PIK3C3: variants seen among roughly 807,000 people sequenced by gnomAD.
The protein encoded by PIK3C3 is PI3-kinase type 3.
A neutral mutation model predicts 126.1 loss-of-function variants in PIK3C3; 95 were observed. The observed-to-expected ratio is 0.75, with a 90% confidence interval of 0.64 to 0.89. The LOEUF is 0.89. Among genes scored for constraint, PIK3C3 ranks in the 40% least tolerant of loss-of-function variants. The pLI is 0.00. For synonymous variants in PIK3C3, 374 were observed against 360.0 expected (o/e 1.04, Z -0.44); for missense variants, 829 against 1,063.2 (o/e 0.78, Z 3.06).
chr18:42,057,069 C>A (rs940484794), intron 21 of PIK3C3, among the ~76,000 whole-genome samples: 1 of 141,282 alleles, frequency 7.1e-6, no homozygotes, highest in Non-Finnish European at 1.6e-5. Flanking sequence ...CCCCCCCCCC[C>A]GTGTTGACAT....
intron 23 of PIK3C3, among the ~76,000 whole-genome samples, chr18:42,066,108 A>G (rs903535559): frequency 6.6e-6 from 1 of 152,208 alleles, no homozygotes; most frequent in Non-Finnish European, 1.5e-5. Flanking sequence ...CTTAAGGAAT[A>G]TGTTTGTCAT....
chr18:42,087,790 G>A lies in PIK3C3; in HGVS notation c.*6653G>A, dbSNP rs1169548548. On this transcript the variant is annotated 3_prime_UTR_variant, in exon 25 of 25. Coordinates refer to ENST00000262039, the MANE Select transcript of PIK3C3 (RefSeq NM_002647.4). ...AACTGTTTGTAAAAATAAATGGTTA[G>A]TAGAATGTCTAATTCAATAAATGTT... is the stretch of plus-strand genomic sequence containing the variant. 1 of 152,178 alleles carries A rather than the reference G, an allele frequency of 6.6e-6. No individual in the cohort carries two copies. Among genetic ancestry groups the A allele is most frequent in the Admixed American group, 6.5e-5 (1 of 15,274 alleles). 9.4% of individuals were successfully genotyped at this position (152,178 alleles called of 1,614,324 possible). A position where few individuals can be genotyped will look rare whatever the true frequency, so the allele number is the denominator to read the frequency against.
chr18:42,001,694 A>G (rs1982298498), intron 9 of PIK3C3, among the ~76,000 whole-genome samples: 1 of 152,154 alleles, frequency 6.6e-6, no homozygotes, highest in African/African-American at 2.4e-5. Context: ...TACTTCATAA[A>G]TCTTGCTAAT....
intron 15 of PIK3C3, among the ~76,000 whole-genome samples, chr18:42,030,578 G>A (rs894825780): frequency 6.6e-6 from 1 of 152,202 alleles, no homozygotes; most frequent in South Asian, 2.1e-4. Context: ...CCATGCAGAA[G>A]AAGTAATGAG....
intron 2 of PIK3C3, among the ~76,000 whole-genome samples, chr18:41,958,764 TA>T (rs1011920035): frequency 5.9e-5 from 9 of 152,094 alleles, no homozygotes; most frequent in South Asian, 4.1e-4. Flanking sequence ...CACACACACA[TA>T]AAAAATATAT....
intron 2 of PIK3C3, among the ~76,000 whole-genome samples, chr18:41,959,067 C>T (rs906229414): frequency 1.3e-5 from 2 of 152,150 alleles, no homozygotes; most frequent in Admixed American, 6.6e-5. Flanking sequence ...CTTCAAACCC[C>T]TGAAGGTGTA....
At chr18:42,049,994 A>G (rs887476580) in intron 21 of PIK3C3, 3 of 152,178 alleles carry the variant, frequency 2.0e-5, no homozygotes, top group Non-Finnish European at 2.9e-5. Context: ...AAAAAAAAAG[A>G]TGAGTTGCGT....
intron 7 of PIK3C3, 104 bp downstream of exon 7, chr18:41,993,445 C>A: frequency 1.5e-6 from 1 of 687,676 alleles, no homozygotes; most frequent in Admixed American, 2.5e-5. Flanking sequence ...ATAACTGCCT[C>A]CGTTACCTAA....
intron 5 of PIK3C3, among the ~76,000 whole-genome samples, chr18:41,989,084 CT>C (rs1391265692): frequency 2.0e-5 from 3 of 151,628 alleles, no homozygotes; most frequent in African/African-American, 7.3e-5. Flanking sequence ...TTTATTATTT[CT>C]TTTTTTTGTT....
chr18:42,071,842 A>G (rs1035545619), intron 24 of PIK3C3, among the ~76,000 whole-genome samples: 3 of 152,170 alleles, frequency 2.0e-5, no homozygotes, highest in Non-Finnish European at 2.9e-5. Flanking sequence ...GAACTTAAAA[A>G]TGTTTGTGAT....
chr18:42,048,309 T>C (rs370383586), intron 20 of PIK3C3, among the ~76,000 whole-genome samples: 4 of 152,206 alleles, frequency 2.6e-5, no homozygotes, highest in African/African-American at 9.7e-5. Context: ...TTCCTTATGG[T>C]CTGCAACTAC....
chr18:41,989,106 G>A (rs1009324578), intron 5 of PIK3C3, among the ~76,000 whole-genome samples: 1 of 150,250 alleles, frequency 6.7e-6, no homozygotes, highest in Non-Finnish European at 1.5e-5. Flanking sequence ...TGTTTTTTTT[G>A]GGGGACAAGG....
In PIK3C3 at chr18:41,956,643, A is replaced by G. The variant is rs1314147683; in HGVS notation, c.69-927A>G. Among the ~76,000 whole-genome samples the G allele has an allele frequency of 3.0e-5, 4 of 134,452 alleles. No individual in the cohort carries two copies. In the Admixed American group the frequency reaches 3.5e-4, roughly 12 times the overall value. The allele number at this position is 134,452 out of a possible 152,430, so 88.2% of individuals were successfully genotyped here. The stretch of plus-strand genomic sequence containing the variant: ...GCTTCTTTTGCTTCAACTCTCATGC[A>G]TTGTTCAGGATCATTTCAGACATCT... On this transcript the variant is annotated intron_variant, in intron 1 of 24. Coordinates refer to ENST00000262039, the MANE Select transcript of PIK3C3 (RefSeq NM_002647.4).
chr18:41,994,282 G>A (rs1981921707), intron 7 of PIK3C3, among the ~76,000 whole-genome samples: 1 of 152,166 alleles, frequency 6.6e-6, no homozygotes, highest in African/African-American at 2.4e-5. Context: ...CCTATGCATA[G>A]TATAGTAGAA....
At chr18:41,993,455 A>T in intron 7 of PIK3C3, 114 bp downstream of exon 7, 1 of 649,612 alleles carries the variant, frequency 1.5e-6, no homozygotes, top group Admixed American at 2.7e-5. Flanking sequence ...CCGTTACCTA[A>T]AAGTGATTCA....
chr18:42,058,007 A>G lies in PIK3C3; in HGVS notation c.2388A>G (p.Gln796=), dbSNP rs764207867. The G allele has an allele frequency of 6.2e-7, 1 of 1,612,834 alleles. No homozygotes were observed. The highest frequency in any genetic ancestry group is 8.5e-7 in the Non-Finnish European group (1 of 1,179,502). The change falls in exon 22 of 25, where the codon CAA becomes CAG. Residue 796 remains glutamine, a synonymous_variant. Coordinates refer to ENST00000262039, the MANE Select transcript of PIK3C3 (RefSeq NM_002647.4). Reference sequence around the variant, plus strand: ...GGGGCACACAGAGTGAGCAGTACCAAGAGTTCCGTAAACAGTGTTACACGG... The same window carrying G: ...GGGGCACACAGAGTGAGCAGTACCAGGAGTTCCGTAAACAGTGTTACACGG... ...GMGGTQSEQY[Q]EFRKQCYTAF...
In PIK3C3 at chr18:41,965,529, A is replaced by C. The variant is rs1400954669; in HGVS notation, c.401+2897A>C. Among the ~76,000 whole-genome samples the C allele has an allele frequency of 2.0e-5, 3 of 152,176 alleles. No homozygotes were observed. The East Asian group carries it at 5.8e-4, about 29-fold the overall frequency. ...AAGAACCATCCTGGAAGCCTATGAG[A>C]AAAGCATCTTCCTGGGTTCTCACTA... On this transcript the variant is annotated intron_variant, in intron 3 of 24. Transcript: ENST00000262039.
In PIK3C3 at chr18:41,957,738, A is replaced by G; in HGVS notation, c.237A>G (p.Lys79=). 1 of 1,612,646 alleles carries G rather than the reference A, an allele frequency of 6.2e-7. No homozygotes were observed. Among genetic ancestry groups the G allele is most frequent in the Non-Finnish European group, 8.5e-7 (1 of 1,179,570 alleles). The change falls in exon 2 of 25, where the codon AAA becomes AAG. Residue 79 remains lysine (K), a synonymous_variant. Coordinates refer to ENST00000262039, the MANE Select transcript of PIK3C3 (RefSeq NM_002647.4). The part of the protein sequence containing the change: ...PLALPVRTSY[K]AFSTRWNWNE... ...CCTTGCCAGTGAGAACATCCTACAAAGCATTTAGTACAAGATGGAAGTAAG... is the reference window on the plus strand; with the variant it reads ...CCTTGCCAGTGAGAACATCCTACAAGGCATTTAGTACAAGATGGAAGTAAG...
intron 4 of PIK3C3, among the ~76,000 whole-genome samples, chr18:41,986,364 A>G (rs1055852597): frequency 6.6e-6 from 1 of 152,118 alleles, no homozygotes; most frequent in African/African-American, 2.4e-5. Context: ...TTACATTTTC[A>G]TTTATTTTGA....
Sources: allele counts gnomAD v4.1 joint callset (sites outside exome capture counted in the v4.1 genomes callset), GRCh38; gene constraint gnomAD v4.1.1; transcripts MANE v1.5; gene names NCBI Gene and HGNC (gene_info 2026-07-23, HGNC 2026-07-21).